Variants in CPEB3 observed in about 807,000 individuals in gnomAD.
The protein encoded by CPEB3 is cytoplasmic polyadenylation element-binding protein 3.
In CPEB3, 20 loss-of-function variants were observed where a neutral mutation model predicts 67.2. The ratio of observed to expected loss-of-function variants is 0.30; its 90% CI spans 0.21 to 0.43. The LOEUF (loss-of-function observed/expected upper bound fraction) is 0.43, where lower values mean the gene tolerates loss of function less well. Ranked by LOEUF, CPEB3 falls within the 20% of genes least tolerant of loss-of-function variation. The probability of loss-of-function intolerance (pLI) is 1.00; values close to 1 mark genes in which losing one functional copy is unlikely to be tolerated. For missense variants in CPEB3, 746 were observed against 968.6 expected, an observed-to-expected ratio of 0.77 and a Z score of 3.05; for synonymous variants, 376 against 393.1, an observed-to-expected ratio of 0.96 and a Z score of 0.51.
At chr10:92,233,881 G>A (rs530320002) in intron 2 of CPEB3, among the ~76,000 whole-genome samples, 3 of 152,150 alleles carry the variant, frequency 2.0e-5, no homozygotes, top group Admixed American at 6.5e-5. Context: ...AGGCAGATGC[G>A]GGCAGATCCA....
intron 4 of CPEB3, among the ~76,000 whole-genome samples, chr10:92,145,437 T>G (rs937234364): frequency 1.4e-4 from 22 of 152,128 alleles, no homozygotes; most frequent in Admixed American, 3.3e-4. Context: ...GAGGCCAGCC[T>G]GGCTAACATG....
At chr10:92,232,942 A>T (rs1851343501) in intron 2 of CPEB3, among the ~76,000 whole-genome samples, 1 of 152,224 alleles carries the variant, frequency 6.6e-6, no homozygotes, top group African/African-American at 2.4e-5. Context: ...ATTTTGAAGT[A>T]TATAGTTTTA....
intron 2 of CPEB3, among the ~76,000 whole-genome samples, chr10:92,220,848 TACAAAGCTAA>T (rs765621171): frequency 4.3e-4 from 65 of 152,202 alleles, no homozygotes; most frequent in Non-Finnish European, 7.6e-4. Context: ...GATAATTGGT[TACAAAGCTAA>T]ACAAAGACAC....
chr10:92,127,052 C>T (rs530495791), intron 6 of CPEB3, among the ~76,000 whole-genome samples: 1 of 152,144 alleles, frequency 6.6e-6, no homozygotes, highest in South Asian at 2.1e-4. Context: ...ATTCCCTGCA[C>T]TCATAAAACT....
intron 2 of CPEB3, among the ~76,000 whole-genome samples, chr10:92,211,566 T>TCG (rs1850085494): frequency 6.6e-6 from 1 of 151,096 alleles, no homozygotes; most frequent in East Asian, 1.9e-4. Flanking sequence ...AGACAGAGTC[T>TCG]CGCTCTGTTG....
intron 6 of CPEB3, among the ~76,000 whole-genome samples, chr10:92,121,541 T>C (rs1388856152): frequency 2.6e-5 from 4 of 151,292 alleles, no homozygotes; most frequent in African/African-American, 7.3e-5. Flanking sequence ...TAAATAAAAA[T>C]TTGTGGAAAA....
At chr10:92,174,913 T>C (rs1004205843) in intron 4 of CPEB3, among the ~76,000 whole-genome samples, 5 of 152,208 alleles carry the variant, frequency 3.3e-5, no homozygotes, top group Non-Finnish European at 1.5e-5. Context: ...TGGGTAAGAC[T>C]ATGCTTCCTA....
At chr10:92,100,038 G>A (rs1844098959) in intron 7 of CPEB3, among the ~76,000 whole-genome samples, 1 of 152,028 alleles carries the variant, frequency 6.6e-6, no homozygotes. Flanking sequence ...TGGTGGCTAA[G>A]GTGGGAAGAT....
intron 7 of CPEB3, among the ~76,000 whole-genome samples, chr10:92,092,724 G>A (rs1843672187): frequency 6.6e-6 from 1 of 151,892 alleles, no homozygotes; most frequent in Non-Finnish European, 1.5e-5. Flanking sequence ...AGGTTGCAGT[G>A]AGCCGAGATC....
intron 9 of CPEB3, among the ~76,000 whole-genome samples, chr10:92,077,386 G>T (rs927498265): frequency 1.3e-5 from 2 of 152,142 alleles, no homozygotes; most frequent in Non-Finnish European, 2.9e-5. Flanking sequence ...CTGGGGAAGG[G>T]AATGTAATGT....
chr10:92,110,400 G>A (rs988644706), intron 7 of CPEB3, among the ~76,000 whole-genome samples: 2 of 152,140 alleles, frequency 1.3e-5, no homozygotes, highest in African/African-American at 2.4e-5. Context: ...AATGAAGTTC[G>A]TTTATTCTGC....
In CPEB3 at chr10:92,120,098, C is replaced by CA. The variant is rs34785763; in HGVS notation, c.1454-8905dup. Among the ~76,000 whole-genome samples the CA allele has an allele frequency of 1.4e-3, 64 of 45,226 alleles. 4 individuals are homozygous for CA. The highest frequency in any genetic ancestry group is 1.9e-3 in the Admixed American group (6 of 3,172). The allele number at this position is 45,226 out of a possible 152,430, so 29.7% of individuals were successfully genotyped here. ...TGAAACCCTGTCTCTACTAAAAATA[C>CA]AAAAAAAAAAAAAAAAAAACCAAAT... is the stretch of plus-strand genomic sequence containing the variant. On this transcript the variant is annotated intron_variant, in intron 6 of 9. Transcript: ENST00000265997.
At chr10:92,202,075 A>G in intron 2 of CPEB3, among the ~76,000 whole-genome samples, 1 of 152,178 alleles carries the variant, frequency 6.6e-6, no homozygotes, top group Non-Finnish European at 1.5e-5. Context: ...CTCATTTACT[A>G]GAATGGATAA....
At chr10:92,284,092 G>A (rs1290545963) in intron 1 of CPEB3, among the ~76,000 whole-genome samples, 1 of 148,534 alleles carries the variant, frequency 6.7e-6, no homozygotes, top group Non-Finnish European at 1.5e-5. Context: ...AGGCTGGAGT[G>A]CAGTGGTGCA....
chr10:92,243,518 A>T (rs1314476784), intron 1 of CPEB3, among the ~76,000 whole-genome samples: 2 of 152,198 alleles, frequency 1.3e-5, no homozygotes, highest in Non-Finnish European at 2.9e-5. Flanking sequence ...AAGCCAGGAT[A>T]AAGGGAAACT....
chr10:92,171,485 C>T (rs1330420642), intron 4 of CPEB3, among the ~76,000 whole-genome samples: 5 of 152,154 alleles, frequency 3.3e-5, no homozygotes, highest in Non-Finnish European at 1.5e-5. Context: ...GTCTCTCAGA[C>T]ATGGGTGTTT....
intron 4 of CPEB3, among the ~76,000 whole-genome samples, chr10:92,170,998 A>T (rs1354002781): frequency 5.9e-5 from 9 of 152,196 alleles, no homozygotes; most frequent in Non-Finnish European, 1.2e-4. Context: ...TAACATAAGG[A>T]ATAATACAGA....
chr10:92,244,444 T>G (rs1748031148), intron 1 of CPEB3, among the ~76,000 whole-genome samples: 1 of 140,852 alleles, frequency 7.1e-6, no homozygotes, highest in South Asian at 2.2e-4. Context: ...AGATACAGTT[T>G]TCTTTTTTTT....
intron 2 of CPEB3, among the ~76,000 whole-genome samples, chr10:92,204,836 C>CT (rs750482213): frequency 0.079 from 9,871 of 125,002 alleles, 734 homozygotes; most frequent in Middle Eastern, 0.12. Flanking sequence ...ATCTTAACCA[C>CT]TTTTTTTTTT....
Sources: gnomAD v4.1 joint callset for allele counts (sites outside exome capture counted in the v4.1 genomes callset) on GRCh38, gnomAD v4.1.1 for gene constraint, MANE v1.5 for transcripts, NCBI Gene and HGNC (gene_info 2026-07-23, HGNC 2026-07-21) for gene names.